SH2D4B: variants seen among roughly 807,000 people sequenced by gnomAD.
SH2D4B encodes the protein SH2 domain containing 4B, also known as SH2 domain-containing protein 4B.
In SH2D4B, 45 loss-of-function variants were observed where a neutral mutation model predicts 61.5. That is an observed-to-expected ratio of 0.73 (90% CI 0.58 to 0.94). SH2D4B has a LOEUF of 0.94. Among genes scored for constraint, SH2D4B ranks in the 40% least tolerant of loss-of-function variants. SH2D4B has a pLI of 0.00. For missense variants in SH2D4B, 572 were observed against 574.2 expected (o/e 1.00, Z 0.04); for synonymous variants, 224 against 220.4 (o/e 1.02, Z -0.14).
At position 80,603,757 on chromosome 10, in the gene SH2D4B, C is replaced by A; in HGVS notation, c.822C>A (p.Pro274=). 6.2e-7 allele frequency: 1 copy of A among 1,612,554 alleles called. No individual in the cohort carries two copies. Among genetic ancestry groups the A allele is most frequent in the Non-Finnish European group, 8.5e-7 (1 of 1,179,882 alleles). The change falls in exon 5 of 8, where the codon CCC becomes CCA. Residue 274 remains proline, a synonymous_variant. Coordinates refer to ENST00000646907, the MANE Select transcript of SH2D4B (RefSeq NM_001388272.1). ...EQEARLYHHL[P]DPGLPQPLAL... is the part of the protein sequence containing the mutation. ...AGGCAAGACTCTACCACCACCTCCC[C>A]GACCCGGGTCTGCCGCAGCCCCTTG... is the stretch of plus-strand genomic sequence containing the variant.
intron 4 of SH2D4B, among the ~76,000 whole-genome samples, chr10:80,601,532 G>A (rs890457893): frequency 2.9e-4 from 44 of 152,144 alleles, no homozygotes; most frequent in African/African-American, 1.0e-3. Flanking sequence ...ATCGCCTGCC[G>A]ACTGTGTTCT....
rs61401607 is a variant in SH2D4B, at chr10:80,572,986, A to ATTTT, written c.495+1435_495+1438dup. ...TATATATATATATATATATATATAT[A>ATTTT]TTTTTTTTTTTTTTTTTTTTTTTTT... On this transcript the variant is annotated intron_variant, in intron 3 of 7. Transcript: ENST00000646907. 2.6e-3 allele frequency among the ~76,000 whole-genome samples: 23 copies of ATTTT among 8,876 alleles called. 4 individuals carry two copies. The highest frequency in any genetic ancestry group is 3.6e-3 in the Non-Finnish European group (18 of 4,938). 5.8% of individuals were successfully genotyped at this position (8,876 alleles called of 152,430 possible). A position where few individuals can be genotyped will look rare whatever the true frequency, so the allele number is the denominator to read the frequency against.
At chr10:80,602,591 A>G (rs184845592) in intron 4 of SH2D4B, among the ~76,000 whole-genome samples, 1 of 152,312 alleles carries the variant, frequency 6.6e-6, no homozygotes, top group East Asian at 1.9e-4. Flanking sequence ...CCCTGCCCAC[A>G]CAGTCACCTA....
chr10:80,543,978 C>CT (rs1841628132), intron 1 of SH2D4B, among the ~76,000 whole-genome samples: 1 of 140,788 alleles, frequency 7.1e-6, no homozygotes, highest in Non-Finnish European at 1.5e-5. Context: ...CCACTCGGCT[C>CT]TACCAATCAG....
chr10:80,577,989 G>A (rs1842145722), intron 3 of SH2D4B, among the ~76,000 whole-genome samples: 3 of 148,034 alleles, frequency 2.0e-5, no homozygotes, highest in South Asian at 4.2e-4. Context: ...TTTTTTTTTC[G>A]AGACAGGGTC....
chr10:80,567,984 T>C (rs1841992322), intron 1 of SH2D4B, among the ~76,000 whole-genome samples: 1 of 152,200 alleles, frequency 6.6e-6, no homozygotes, highest in Non-Finnish European at 1.5e-5. Flanking sequence ...TAGACATATT[T>C]CTCAACTCGA....
At chr10:80,552,898 TCTCTCTCTCTTG>T (rs1841781342) in intron 1 of SH2D4B, among the ~76,000 whole-genome samples, 2 of 150,018 alleles carry the variant, frequency 1.3e-5, no homozygotes, top group African/African-American at 4.9e-5. Flanking sequence ...TTTCTCTCTC[TCTCTCTCTCTTG>T]CTCTCTCTCT....
chr10:80,550,530 C>A (rs955890228), intron 1 of SH2D4B, among the ~76,000 whole-genome samples: 6 of 151,974 alleles, frequency 3.9e-5, no homozygotes, highest in Non-Finnish European at 7.4e-5. Flanking sequence ...GGAGGTGGAG[C>A]TTGCAGTGAG....
chr10:80,571,373 T>C (rs1842039918), intron 2 of SH2D4B, 58 bp from the exon 3 acceptor site: 1 of 1,555,216 alleles, frequency 6.4e-7, no homozygotes, highest in East Asian at 2.3e-5. Flanking sequence ...CAAGTTCTAT[T>C]GTTAGGTGGT....
At chr10:80,636,809 T>C (rs945590401) in intron 7 of SH2D4B, among the ~76,000 whole-genome samples, 2 of 152,222 alleles carry the variant, frequency 1.3e-5, no homozygotes, top group African/African-American at 4.8e-5. Context: ...CCCATTTTTC[T>C]ATTTTGGCTT....
intron 5 of SH2D4B, among the ~76,000 whole-genome samples, chr10:80,608,906 C>A (rs570454963): frequency 1.3e-5 from 2 of 152,266 alleles, no homozygotes; most frequent in South Asian, 2.1e-4. Context: ...AGGCAGGCGT[C>A]CCCTCAGAGG....
rs189765870 is a variant in SH2D4B, at chr10:80,586,524, G to A, written c.496-2106G>A. ...TCTGGTGGGGGCTTGGAGAACCTTT[G>A]TGTCCACACTCTGTATCTAGCTAAT... On this transcript the variant is annotated intron_variant, in intron 3 of 7. Transcript: ENST00000646907. Among the ~76,000 whole-genome samples, 969 of 152,242 alleles carry A rather than the reference G, an allele frequency of 6.4e-3. 11 individuals carry two copies. The highest frequency in any genetic ancestry group is 0.022 in the African/African-American group (930 of 41,534).
At chr10:80,540,348 C>T (rs1424014679) in intron 1 of SH2D4B, among the ~76,000 whole-genome samples, 1 of 152,116 alleles carries the variant, frequency 6.6e-6, no homozygotes, top group Non-Finnish European at 1.5e-5. Flanking sequence ...GAAGAGCTTT[C>T]GGCCGGAGGG....
At chr10:80,574,002 T>A (rs975598021) in intron 3 of SH2D4B, among the ~76,000 whole-genome samples, 27 of 152,350 alleles carry the variant, frequency 1.8e-4, no homozygotes, top group African/African-American at 6.5e-4. Context: ...TTTTTGTCTT[T>A]GTTAATTTTT....
intron 1 of SH2D4B, among the ~76,000 whole-genome samples, chr10:80,555,071 A>ATAACCTAC (rs1462111482): frequency 6.6e-6 from 1 of 151,946 alleles, no homozygotes; most frequent in African/African-American, 2.4e-5. Flanking sequence ...ACTAGGCACT[A>ATAACCTAC]TAACCTACTT....
chr10:80,585,147 G>T (rs748645439), intron 3 of SH2D4B, among the ~76,000 whole-genome samples: 2 of 152,160 alleles, frequency 1.3e-5, no homozygotes, highest in Non-Finnish European at 2.9e-5. Flanking sequence ...GGACAGAAAT[G>T]GGAAATTTAG....
chr10:80,564,814 T>C (rs1841944907), intron 1 of SH2D4B, among the ~76,000 whole-genome samples: 2 of 152,366 alleles, frequency 1.3e-5, no homozygotes, highest in African/African-American at 4.8e-5. Flanking sequence ...ACCATTAATT[T>C]TGTGGCTTAA....
chr10:80,593,078 G>A (rs558345005), intron 4 of SH2D4B, among the ~76,000 whole-genome samples: 2 of 152,120 alleles, frequency 1.3e-5, no homozygotes, highest in Non-Finnish European at 2.9e-5. Flanking sequence ...ATGCCAGTAT[G>A]ACATAGTCTC....
At chr10:80,542,222 T>A (rs1401263927) in intron 1 of SH2D4B, among the ~76,000 whole-genome samples, 1 of 151,938 alleles carries the variant, frequency 6.6e-6, no homozygotes, top group African/African-American at 2.4e-5. Flanking sequence ...ACCACAGGAA[T>A]GCACATCCTG....
Sources: allele counts gnomAD v4.1 joint callset (sites outside exome capture counted in the v4.1 genomes callset), GRCh38; gene constraint gnomAD v4.1.1; transcripts MANE v1.5; gene names NCBI Gene and HGNC (gene_info 2026-07-23, HGNC 2026-07-21).